The following GOLM2 variants were observed in gnomAD, a reference collection of about 807,000 sequenced individuals.
GOLM2 encodes the protein golgi membrane protein 2, also known as protein GOLM2.
GOLM2 carries 26 observed loss-of-function variants against 55.9 expected under a neutral mutation model. That is an observed-to-expected ratio of 0.47 (90% confidence interval 0.34 to 0.65). The LOEUF (loss-of-function observed/expected upper bound fraction) is 0.65. Among genes scored for constraint, GOLM2 ranks in the 30% least tolerant of loss-of-function variants. The pLI is 0.01. For missense variants in GOLM2, 486 were observed against 531.8 expected (o/e 0.91, Z 0.85); for synonymous variants, 165 against 194.6 (o/e 0.85, Z 1.27).
chr15:44,406,375 G>A (rs189449765), intron 9 of GOLM2: 8 of 152,158 alleles, frequency 5.3e-5, no homozygotes, highest in South Asian at 2.1e-4. Flanking sequence ...GTAGCAGAAC[G>A]AGACTCTGTC....
intron 8 of GOLM2, 45 bp from the exon 9 acceptor site, chr15:44,402,842 T>C (rs763300694): frequency 2.5e-6 from 4 of 1,599,162 alleles, no homozygotes; most frequent in Non-Finnish European, 2.6e-6. Context: ...ATTCCTTCTT[T>C]TCTTCTCTCT....
intron 1 of GOLM2, among the ~76,000 whole-genome samples, chr15:44,291,667 T>A (rs1029399248): frequency 6.6e-6 from 1 of 152,254 alleles, no homozygotes; most frequent in Non-Finnish European, 1.5e-5. Flanking sequence ...GCTTCTGTTA[T>A]ACTGGACTCT....
chr15:44,302,702 G>A (rs2078807381), intron 1 of GOLM2, among the ~76,000 whole-genome samples: 1 of 151,948 alleles, frequency 6.6e-6, no homozygotes, highest in African/African-American at 2.4e-5. Flanking sequence ...TGTTGCCCAG[G>A]CTGGTCTTGA....
At chr15:44,410,262 C>T (rs935309457) in intron 9 of GOLM2, among the ~76,000 whole-genome samples, 4 of 152,062 alleles carry the variant, frequency 2.6e-5, no homozygotes, top group African/African-American at 9.7e-5. Flanking sequence ...CACGGTGAAA[C>T]CCCGTCTCTA....
At chr15:44,340,618 C>G (rs146890483) in intron 6 of GOLM2, among the ~76,000 whole-genome samples, 18 of 152,244 alleles carry the variant, frequency 1.2e-4, no homozygotes, top group African/African-American at 4.3e-4. Flanking sequence ...TACCCAGGAA[C>G]CTGTTAGACA....
Position 44,413,358 on chromosome 15 carries a change from A to C in GOLM2, c.1263A>C (p.Gln421His), listed in dbSNP as rs371065770. Residue 421 changes from glutamine to histidine, a missense_variant, in exon 10 of 10, where the codon CAA becomes CAC. Coordinates refer to ENST00000299957, the MANE Select transcript of GOLM2 (RefSeq NM_138423.4). ...DVQDDEEREL[Q>H]MDPADYGKQH... The stretch of plus-strand genomic sequence containing the variant: ...CAGATGATGAAGAACGAGAGCTTCA[A>C]ATGGATCCTGCAGACTATGGAAAGC... The C allele has an allele frequency of 6.2e-7, 1 of 1,611,308 alleles. No individual in the cohort carries two copies. Among genetic ancestry groups the C allele is most frequent in the Admixed American group, 1.7e-5 (1 of 59,900 alleles).
intron 6 of GOLM2, among the ~76,000 whole-genome samples, chr15:44,373,522 G>A (rs368449440): frequency 2.0e-5 from 3 of 150,352 alleles, no homozygotes; most frequent in South Asian, 4.2e-4. Flanking sequence ...TTGGAAGGCC[G>A]AGGCAGGCGA....
chr15:44,324,530 T>C (rs1440793246), intron 2 of GOLM2, among the ~76,000 whole-genome samples: 2 of 152,100 alleles, frequency 1.3e-5, no homozygotes, highest in East Asian at 3.8e-4. Flanking sequence ...TTGCCTTTTA[T>C]AGGCAAGTTT....
At chr15:44,403,130 T>G in intron 9 of GOLM2, 76 bp downstream of exon 9, 4 of 1,547,156 alleles carry the variant, frequency 2.6e-6, no homozygotes, top group Non-Finnish European at 3.6e-6. Context: ...TGTGTAGAAT[T>G]TCCCCCACTT....
intron 8 of GOLM2, among the ~76,000 whole-genome samples, chr15:44,395,755 G>A (rs544790780): frequency 3.9e-5 from 6 of 151,974 alleles, no homozygotes; most frequent in African/African-American, 1.4e-4. Context: ...CAGGAGAATC[G>A]CTTGAACCCA....
intron 1 of GOLM2, among the ~76,000 whole-genome samples, chr15:44,295,280 A>T (rs1360337229): frequency 6.6e-6 from 1 of 152,102 alleles, no homozygotes; most frequent in Non-Finnish European, 1.5e-5. Context: ...GGGTTTCACC[A>T]TGTTGGCCAG....
At chr15:44,372,559 A>G (rs1258685769) in intron 6 of GOLM2, among the ~76,000 whole-genome samples, 1 of 152,132 alleles carries the variant, frequency 6.6e-6, no homozygotes, top group African/African-American at 2.4e-5. Context: ...TTTACTCTGA[A>G]TTTTTAAGTC....
Position 44,326,993 on chromosome 15 carries a change from G to A in GOLM2, c.383-1692G>A, listed in dbSNP as rs566373683. ...TTTTTTTGTCTCGCTCTGTCACTCA[G>A]GCTAGAGTGCACAGTGGCGTAATCT... is the stretch of plus-strand genomic sequence containing the variant. On this transcript the variant is annotated intron_variant, in intron 2 of 9. Transcript: ENST00000299957. 8.2e-4 allele frequency among the ~76,000 whole-genome samples: 120 copies of A among 147,188 alleles called. 4 individuals carry two copies. The South Asian group carries it at 0.025, about 31-fold the overall frequency.
chr15:44,319,835 T>C (rs530463633), intron 1 of GOLM2, among the ~76,000 whole-genome samples: 8 of 152,282 alleles, frequency 5.3e-5, no homozygotes, highest in African/African-American at 1.7e-4. Context: ...GTGATCTGCC[T>C]GCCTCAGCCT....
chr15:44,377,612 G>C (rs373407706), intron 6 of GOLM2, among the ~76,000 whole-genome samples: 1 of 152,060 alleles, frequency 6.6e-6, no homozygotes, highest in East Asian at 1.9e-4. Flanking sequence ...GGCCACAAGT[G>C]ACTCACATGC....
At chr15:44,393,764 T>C (rs1162526401) in intron 8 of GOLM2, among the ~76,000 whole-genome samples, 1 of 152,160 alleles carries the variant, frequency 6.6e-6, no homozygotes, top group East Asian at 1.9e-4. Context: ...CAATCTTGGC[T>C]CACTGCAATC....
chr15:44,370,205 A>G (rs925491143), intron 6 of GOLM2, among the ~76,000 whole-genome samples: 12 of 152,226 alleles, frequency 7.9e-5, no homozygotes, highest in African/African-American at 2.9e-4. Context: ...CCTCACAGAC[A>G]TATCCAGGAT....
intron 1 of GOLM2, among the ~76,000 whole-genome samples, chr15:44,316,700 AGCCGAGATTGT>A (rs1375313632): frequency 6.6e-6 from 1 of 151,062 alleles, no homozygotes; most frequent in Non-Finnish European, 1.5e-5. Context: ...GGTTGCAGTG[AGCCGAGATTGT>A]GCCACTGCAC....
At position 44,354,223 on chromosome 15, in the gene GOLM2, T is replaced by C. The variant is rs182717192; in HGVS notation, c.802+15906T>C. 2.8e-5 allele frequency among the ~76,000 whole-genome samples: 4 copies of C among 140,426 alleles called. No individual in the cohort carries two copies. The East Asian group carries it at 8.4e-4, about 29-fold the overall frequency. The allele number at this position is 140,426 out of a possible 152,430, so 92.1% of individuals were successfully genotyped here. Reference sequence around the variant, plus strand: ...AGCTGTCACAGAACACTCACCAAGATAGACCATAAAACGGGAATTGAACAA... The same window carrying C: ...AGCTGTCACAGAACACTCACCAAGACAGACCATAAAACGGGAATTGAACAA... On this transcript the variant is annotated intron_variant, in intron 6 of 9. Coordinates refer to ENST00000299957, the MANE Select transcript of GOLM2 (RefSeq NM_138423.4).
Sources: allele counts gnomAD v4.1 joint callset (sites outside exome capture counted in the v4.1 genomes callset), GRCh38; gene constraint gnomAD v4.1.1; transcripts MANE v1.5; gene names NCBI Gene and HGNC (gene_info 2026-07-23, HGNC 2026-07-21).